The following MYT1 variants were observed in gnomAD, a reference collection of about 807,000 sequenced individuals.
MYT1 encodes the protein myelin transcription factor 1.
A neutral mutation model predicts 123.0 loss-of-function variants in MYT1; 23 were observed. The observed-to-expected ratio is 0.19, with a 90% CI of 0.13 to 0.26. The LOEUF (loss-of-function observed/expected upper bound fraction) is 0.26. MYT1 is among the 10% of genes least tolerant of loss of function. The probability of loss-of-function intolerance (pLI) is 1.00; values close to 1 mark genes in which losing one functional copy is unlikely to be tolerated. For synonymous variants in MYT1, 518 were observed against 575.3 expected (o/e 0.90, Z 1.43); for missense variants, 1,125 against 1,472.5 (o/e 0.76, Z 3.86).
rs752600921 is a variant in MYT1, at chr20:64,232,192, G to A, written c.2704G>A (p.Gly902Ser). Residue 902 changes from glycine to serine, a missense_variant, in exon 19 of 23, where the codon GGT (glycine) becomes AGT (serine). Physicochemically the swap from Gly to Ser is moderately conservative, Grantham distance 56. Transcript: ENST00000328439. This position sits in a 1 kb window ranked among gnomAD's most constrained non-coding sequence, Gnocchi z 6.9. The stretch of plus-strand genomic sequence containing the variant: ...CCCAGTTCCAGGCTGTGTGGGGCTC[G>A]GTCACATCAGCGGGAAATACGCCTC... The part of the protein sequence containing the change: ...KCPVPGCVGL[G>S]HISGKYASHR... 3 of 1,613,052 alleles carry A rather than the reference G, an allele frequency of 1.9e-6. No individual in the cohort carries two copies. The highest frequency in any genetic ancestry group is 1.7e-5 in the Admixed American group (1 of 60,018).
chr20:64,165,133 A>G (rs1451246407), intron 1 of MYT1, among the ~76,000 whole-genome samples: 1 of 151,970 alleles, frequency 6.6e-6, no homozygotes, highest in African/African-American at 2.4e-5. Flanking sequence ...ACCTGGGGAG[A>G]GCACTGGCCG....
intron 17 of MYT1, 95 bp downstream of exon 17, chr20:64,227,572 C>A: frequency 8.8e-7 from 1 of 1,137,530 alleles, no homozygotes; most frequent in Non-Finnish European, 1.3e-6. Context: ...TTGCTGACAG[C>A]TAGAGTCCAT....
chr20:64,169,810 T>A (rs1294979961), intron 1 of MYT1, among the ~76,000 whole-genome samples: 1 of 152,226 alleles, frequency 6.6e-6, no homozygotes, highest in Non-Finnish European at 1.5e-5. Context: ...TTGACGCTGT[T>A]ATTTTAATCG....
intron 11 of MYT1, among the ~76,000 whole-genome samples, chr20:64,217,530 G>A (rs1030037871): frequency 2.6e-5 from 4 of 152,170 alleles, no homozygotes; most frequent in Admixed American, 2.0e-4. Context: ...GTGTCTCCTA[G>A]TTATTTGTGA....
chr20:64,220,275 G>A (rs1255956129), intron 13 of MYT1, among the ~76,000 whole-genome samples: 1 of 152,234 alleles, frequency 6.6e-6, no homozygotes, highest in Non-Finnish European at 1.5e-5. Flanking sequence ...CGTGGGCACT[G>A]TGGAGGCATG....
intron 10 of MYT1, among the ~76,000 whole-genome samples, chr20:64,215,336 G>T (rs1176614081): frequency 6.6e-6 from 1 of 152,196 alleles, no homozygotes; most frequent in Non-Finnish European, 1.5e-5. Flanking sequence ...AGGCTCAAGT[G>T]ACACTCTGCC....
Position 64,213,055 on chromosome 20 carries a change from G to A in MYT1, c.1518-479G>A, listed in dbSNP as rs999906937. Among the ~76,000 whole-genome samples the A allele has an allele frequency of 2.0e-5, 3 of 152,272 alleles. No individual in the cohort carries two copies. Among genetic ancestry groups the A allele is most frequent in the South Asian group, 2.1e-4 (1 of 4,828 alleles). On this transcript the variant is annotated intron_variant, in intron 9 of 22. Coordinates refer to ENST00000328439, the MANE Select transcript of MYT1 (RefSeq NM_004535.3). This position sits in a 1 kb window ranked among gnomAD's most constrained non-coding sequence, Gnocchi z 5.6. ...TGTCTTAGACTGAGTACTTTCCTGGGCCTGTGTCATCCAGGGTCAGTGCCC... is the reference window on the plus strand; with the variant it reads ...TGTCTTAGACTGAGTACTTTCCTGGACCTGTGTCATCCAGGGTCAGTGCCC...
intron 7 of MYT1, 125 bp from the exon 8 acceptor site, chr20:64,211,081 C>A: frequency 9.3e-7 from 1 of 1,075,958 alleles, no homozygotes; most frequent in Non-Finnish European, 1.3e-6. Flanking sequence ...CCTGTTCAAG[C>A]TCATGGGCAG....
chr20:64,206,133 T>C (rs1164728203), intron 6 of MYT1, among the ~76,000 whole-genome samples: 1 of 152,102 alleles, frequency 6.6e-6, no homozygotes, highest in East Asian at 1.9e-4. Context: ...GCTGTGTCTC[T>C]GTGTGTCTGT....
In MYT1 at chr20:64,217,236, GC is replaced by G. The variant is rs1399091426; in HGVS notation, c.1805del (p.Pro602GlnfsTer33). On this transcript the variant is annotated frameshift_variant, in exon 11 of 23. Coordinates refer to ENST00000328439, the MANE Select transcript of MYT1 (RefSeq NM_004535.3). LOFTEE classifies it high-confidence loss of function. Reference sequence around the variant, plus strand: ...TCAGGTTTTTGGCAAACGCATGCTTGCCCCAAAGATTCAGACCAGCGAAACC... The same window carrying G: ...TCAGGTTTTTGGCAAACGCATGCTTGCCCAAAGATTCAGACCAGCGAAACC... ...DAQVFGKRMLAPKIQTSETSP... is the reference protein window; with the variant it reads ...DAQVFGKRMLXPKIQTSETSP... 6.2e-7 allele frequency: 1 copy of G among 1,614,266 alleles called. No homozygotes were observed. The highest frequency in any genetic ancestry group is 8.5e-7 in the Non-Finnish European group (1 of 1,180,044).
Position 64,212,206 on chromosome 20 carries a change from C to CA in MYT1, c.1517+68_1517+69insA, listed in dbSNP as rs1983693128. 1 of 58,920 alleles carries CA rather than the reference C, an allele frequency of 1.7e-5. No homozygotes were observed. The highest frequency in any genetic ancestry group is 1.4e-4 in the African/African-American group (1 of 7,310). 3.6% of individuals were successfully genotyped at this position (58,920 alleles called of 1,614,324 possible). On this transcript the variant is annotated intron_variant, in intron 9 of 22. Coordinates refer to ENST00000328439, the MANE Select transcript of MYT1 (RefSeq NM_004535.3). This position sits in a 1 kb window ranked among gnomAD's most constrained non-coding sequence, Gnocchi z 6.8. ...GCCGTGGTGGGGGCCAGGGTGGGGG[C>CA]CGTGGTGGGGGCCAGGGTGGGGGCC...
At chr20:64,215,358 A>T (rs1156297882) in intron 10 of MYT1, among the ~76,000 whole-genome samples, 3 of 152,196 alleles carry the variant, frequency 2.0e-5, no homozygotes, top group African/African-American at 7.2e-5. Context: ...CCCTCAGCCC[A>T]TGGTGAATAC....
intron 19 of MYT1, among the ~76,000 whole-genome samples, chr20:64,235,431 A>ATGGTGGGTGACCCTGGGATGGCCG (rs1984485876): frequency 8.6e-6 from 1 of 116,848 alleles, no homozygotes; most frequent in Non-Finnish European, 1.7e-5. Context: ...TGGGATGGTC[A>ATGGTGGGTGACCCTGGGATGGCCG]TGGTGGGTGA....
In MYT1 at chr20:64,212,289, G is replaced by C. The variant is rs993064982; in HGVS notation, c.1517+151G>C. The C allele has an allele frequency of 1.2e-6, 1 of 819,388 alleles. No homozygotes were observed. The allele number at this position is 819,388 out of a possible 1,614,324, so 50.8% of individuals were successfully genotyped here. ...GGGCTCCACGTGGGGTAGGGCACCT[G>C]GGTTGGGCCTGTGTGTCCCTGCCTG... is the stretch of plus-strand genomic sequence containing the variant. On this transcript the variant is annotated intron_variant, in intron 9 of 22. Transcript: ENST00000328439. This position sits in a 1 kb window ranked among gnomAD's most constrained non-coding sequence, Gnocchi z 6.8.
rs763390735 is a variant in MYT1 at position 64,227,418 on chromosome 20, C to T, written c.2532C>T (p.Cys844=). 25 of 1,612,628 alleles carry T rather than the reference C, an allele frequency of 1.6e-5. No individual in the cohort carries two copies. The South Asian group carries it at 2.4e-4, about 16-fold the overall frequency. Residue 844 remains cysteine, a synonymous_variant, in exon 17 of 23, where the codon TGC becomes TGT. Coordinates refer to ENST00000328439, the MANE Select transcript of MYT1 (RefSeq NM_004535.3). ...CCAGTTCTGCTTCCCTCTGCAGGTG[C>T]CCCACGCCCGGCTGTGACGGCTCTG... is the stretch of plus-strand genomic sequence containing the variant. ...LMAAHSADLK[C]PTPGCDGSGH...
chr20:64,167,362 C>T lies in MYT1; in HGVS notation c.-99+2623C>T, dbSNP rs1982114188. ...AAAGACTGAGCAAGGCTTGTGTCCACCCAGTCCCTCTGTCGGGGCTCAGGG... is the reference window on the plus strand; with the variant it reads ...AAAGACTGAGCAAGGCTTGTGTCCATCCAGTCCCTCTGTCGGGGCTCAGGG... On this transcript the variant is annotated intron_variant, in intron 1 of 22. Coordinates refer to ENST00000328439, the MANE Select transcript of MYT1 (RefSeq NM_004535.3). This position sits in a 1 kb window ranked among gnomAD's most constrained non-coding sequence, Gnocchi z 6.3. Among the ~76,000 whole-genome samples, 2 of 152,208 alleles carry T rather than the reference C, an allele frequency of 1.3e-5. No individual in the cohort carries two copies. The highest frequency in any genetic ancestry group is 2.4e-5 in the African/African-American group (1 of 41,454).
At chr20:64,178,895 A>C (rs28533404) in intron 1 of MYT1, among the ~76,000 whole-genome samples, 2 of 88,690 alleles carry the variant, frequency 2.3e-5, no homozygotes, top group Admixed American at 1.2e-4. Context: ...GCCGTTATTC[A>C]GTGGGATGCC....
At chr20:64,171,186 T>C (rs1335762887) in intron 1 of MYT1, among the ~76,000 whole-genome samples, 5 of 152,180 alleles carry the variant, frequency 3.3e-5, no homozygotes, top group Non-Finnish European at 7.4e-5. Flanking sequence ...CCCAAAGTGC[T>C]GGTATTACAG....
chr20:64,212,193 GCC>G lies in MYT1; in HGVS notation c.1517+56_1517+57del. The G allele has an allele frequency of 2.4e-5, 8 of 329,344 alleles. No individual in the cohort carries two copies. The highest frequency in any genetic ancestry group is 9.2e-4 in the Middle Eastern group (1 of 1,088). The allele number at this position is 329,344 out of a possible 1,614,324, so 20.4% of individuals were successfully genotyped here. A position where few individuals can be genotyped will look rare whatever the true frequency, so the allele number is the denominator to read the frequency against. On this transcript the variant is annotated intron_variant, in intron 9 of 22. Transcript: ENST00000328439. The surrounding 1 kb of genome is among the most constrained non-coding windows in gnomAD (Gnocchi z 6.8). ...GGCCAGGGTGGGGGCCGTGGTGGGGGCCAGGGTGGGGGCCGTGGTGGGGGCCA... is the reference window on the plus strand; with the variant it reads ...GGCCAGGGTGGGGGCCGTGGTGGGGGAGGGTGGGGGCCGTGGTGGGGGCCA...
Sources: allele counts gnomAD v4.1 joint callset (sites outside exome capture counted in the v4.1 genomes callset), GRCh38; gene constraint gnomAD v4.1.1; non-coding constraint Gnocchi (gnomAD v3.1); transcripts MANE v1.5; gene names NCBI Gene and HGNC (gene_info 2026-07-23, HGNC 2026-07-21).